Variants in EEIG2 observed in about 807,000 individuals in gnomAD.
EEIG2 encodes the protein family with sequence similarity 102 member B.
the EEIG2 span, among the ~76,000 whole-genome samples, chr1:108,622,512 G>A: frequency 6.6e-6 from 1 of 152,208 alleles, no homozygotes; most frequent in Non-Finnish European, 1.5e-5. Flanking sequence ...TATTAGGAAG[G>A]AGGCAGAGGT....
the EEIG2 span, among the ~76,000 whole-genome samples, chr1:108,561,684 A>G: frequency 5.8e-4 from 88 of 152,380 alleles, 1 homozygote; most frequent in Admixed American, 2.0e-3. Context: ...AGTTTTTAAA[A>G]TTAAACTGTG....
the EEIG2 span, chr1:108,560,376 T>C: frequency 6.8e-7 from 1 of 1,465,954 alleles, no homozygotes; most frequent in East Asian, 2.8e-5. Context: ...TCGGCCAAGC[T>C]GAGGCGGCGG....
At chr1:108,631,358 TAG>T in the EEIG2 span, among the ~76,000 whole-genome samples, 1 of 152,356 alleles carries the variant, frequency 6.6e-6, no homozygotes, top group East Asian at 1.9e-4. Context: ...GATGCTACAG[TAG>T]CAGAGCTGAG....
the EEIG2 span, among the ~76,000 whole-genome samples, chr1:108,602,231 T>C: frequency 6.6e-6 from 1 of 152,124 alleles, no homozygotes; most frequent in African/African-American, 2.4e-5. Context: ...GCCCCTGTAC[T>C]AGTTTCCTAG....
chr1:108,623,467 C>T, the EEIG2 span, among the ~76,000 whole-genome samples: 40 of 152,010 alleles, frequency 2.6e-4, no homozygotes, highest in Admixed American at 1.1e-3. Flanking sequence ...CGCACTCCAA[C>T]CTGGGTGACA....
At chr1:108,625,113 T>C in the EEIG2 span, 1 of 188,708 alleles carries the variant, frequency 5.3e-6, no homozygotes, top group South Asian at 1.2e-4. Context: ...TGTCAGTGGT[T>C]CTCAAGCCCT....
the EEIG2 span, chr1:108,628,766 T>C: frequency 6.2e-7 from 1 of 1,613,240 alleles, no homozygotes; most frequent in Admixed American, 1.7e-5. Flanking sequence ...GAGAAAATAT[T>C]ACAAAGTCAA....
chr1:108,601,357 A>C, the EEIG2 span, among the ~76,000 whole-genome samples: 1 of 152,028 alleles, frequency 6.6e-6, no homozygotes, highest in Non-Finnish European at 1.5e-5. Flanking sequence ...TAAATAGAGA[A>C]GAAGGATTTA....
chr1:108,586,314 GGTGTGTGTGTGTGT>G, the EEIG2 span, among the ~76,000 whole-genome samples: 331 of 147,084 alleles, frequency 2.3e-3, 1 homozygote, highest in Non-Finnish European at 2.6e-3. Context: ...TACGCAGAGG[GGTGTGTGTGTGTGT>G]GTGTGTGTGT....
At chr1:108,627,627 C>G in the EEIG2 span, 2,129 of 153,404 alleles carry the variant, frequency 0.014, 53 homozygotes, top group African/African-American at 0.049. Context: ...GTGCTACGTC[C>G]CATGCTGTGT....
the EEIG2 span, among the ~76,000 whole-genome samples, chr1:108,592,827 G>A: frequency 6.6e-6 from 1 of 152,120 alleles, no homozygotes; most frequent in Non-Finnish European, 1.5e-5. Context: ...TCCAAAATAA[G>A]CATTTTAAAT....
the EEIG2 span, among the ~76,000 whole-genome samples, chr1:108,618,667 A>G: frequency 2.0e-5 from 3 of 151,950 alleles, no homozygotes; most frequent in Admixed American, 2.0e-4. Flanking sequence ...CCGAGGCAGG[A>G]GGATCACTCT....
At chr1:108,612,164 CTT>C in the EEIG2 span, 1 of 1,579,510 alleles carries the variant, frequency 6.3e-7, no homozygotes, top group Admixed American at 1.7e-5. Flanking sequence ...ATATAATTCT[CTT>C]TCTTTTCATA....
At chr1:108,608,953 C>A in the EEIG2 span, among the ~76,000 whole-genome samples, 1 of 152,168 alleles carries the variant, frequency 6.6e-6, no homozygotes, top group Non-Finnish European at 1.5e-5. Context: ...AGCAAGCTCT[C>A]TTTTGTCTTT....
chr1:108,625,456 T>C, the EEIG2 span: 5 of 152,244 alleles, frequency 3.3e-5, no homozygotes, highest in Non-Finnish European at 7.3e-5. Context: ...GGTGAAGTTA[T>C]ATAATTAACC....
At chr1:108,618,836 CAAAAAA>C in the EEIG2 span, among the ~76,000 whole-genome samples, 1 of 141,444 alleles carries the variant, frequency 7.1e-6, no homozygotes, top group East Asian at 2.2e-4. Flanking sequence ...GCCCCTGTCT[CAAAAAA>C]AAAAAAAAAT....
chr1:108,635,343 TC>T, the EEIG2 span: 2 of 632,672 alleles, frequency 3.2e-6, no homozygotes, highest in Non-Finnish European at 2.7e-6. Context: ...CATGGCAGTC[TC>T]CAGGCACTGT....
chr1:108,592,151 G>A, the EEIG2 span, among the ~76,000 whole-genome samples: 1 of 152,226 alleles, frequency 6.6e-6, no homozygotes, highest in African/African-American at 2.4e-5. Flanking sequence ...ATGCTTCAGG[G>A]AAGAGATATT....
the EEIG2 span, chr1:108,627,766 C>T: frequency 1.3e-3 from 220 of 170,040 alleles, 3 homozygotes; most frequent in East Asian, 0.032. Context: ...TTAGAAACCA[C>T]ATTAAAACCT....
Sources: gnomAD v4.1 joint callset for allele counts (sites outside exome capture counted in the v4.1 genomes callset) on GRCh38, gnomAD v4.1.1 for gene constraint, MANE v1.5 for transcripts, NCBI Gene and HGNC (gene_info 2026-07-23, HGNC 2026-07-21) for gene names.